Variants in SEC16A observed in about 807,000 individuals in gnomAD.
SEC16A encodes the protein protein transport protein Sec16A.
A neutral mutation model predicts 221.9 loss-of-function variants in SEC16A; 110 were observed. The ratio of observed to expected loss-of-function variants is 0.50; its 90% CI spans 0.42 to 0.58. The LOEUF (loss-of-function observed/expected upper bound fraction) is 0.58, where lower values mean the gene tolerates loss of function less well. Ranked by LOEUF, SEC16A falls within the 20% of genes least tolerant of loss-of-function variation. SEC16A has a pLI of 0.00. For synonymous variants in SEC16A, 1,393 were observed against 1,257.7 expected (o/e 1.11, Z -2.28); for missense variants, 3,165 against 3,097.8 (o/e 1.02, Z -0.52).
Position 136,445,053 on chromosome 9 carries a change from T to C in SEC16A, c.6926A>G (p.Gln2309Arg). Residue 2309 changes from glutamine (Q) to arginine (R), a missense_variant and splice_region_variant, in exon 30 of 32, where the codon CAG becomes CGG. This residue lies in a region of SEC16A where 1,088 missense variants were observed against 1,089.6 expected (regional missense o/e 1.00). Coordinates refer to ENST00000684901, the MANE Select transcript of SEC16A (RefSeq NM_014866.2). ...GTGAGGACCACCAGCCGCAGGTACC[T>C]GATTAAAATGCTGGCTCACTTCACG... ...LSREVSQHFN[Q>R]APGDLPAAGG... 6.2e-7 allele frequency: 1 copy of C among 1,605,306 alleles called. No individual in the cohort carries two copies. The highest frequency in any genetic ancestry group is 8.5e-7 in the Non-Finnish European group (1 of 1,176,204).
At chr9:136,468,022 T>C (rs1588970928) in intron 5 of SEC16A, among the ~76,000 whole-genome samples, 2 of 152,182 alleles carry the variant, frequency 1.3e-5, no homozygotes, top group Admixed American at 6.5e-5. Context: ...TGGTCAGGAG[T>C]GCGGGAAACA....
chr9:136,482,373 C>G (rs906701241), intron 1 of SEC16A, among the ~76,000 whole-genome samples: 5 of 152,164 alleles, frequency 3.3e-5, no homozygotes, highest in Non-Finnish European at 7.4e-5. Context: ...TCTTAAGCGG[C>G]AAAAACTGAC....
chr9:136,467,560 TTAC>T (rs1840313301), intron 5 of SEC16A, among the ~76,000 whole-genome samples: 3 of 152,102 alleles, frequency 2.0e-5, no homozygotes, highest in Non-Finnish European at 2.9e-5. Flanking sequence ...ACTGTAAATT[TTAC>T]TACTATTTCT....
In SEC16A at chr9:136,475,567, C is replaced by G. The variant is rs764881602; in HGVS notation, c.2049G>C (p.Thr683=). The change falls in exon 3 of 32, where the codon ACG becomes ACC. Residue 683 remains threonine, a synonymous_variant. Transcript: ENST00000684901. This position sits in a 1 kb window ranked among gnomAD's most constrained non-coding sequence, Gnocchi z 5.0. ...QVCPLPLNST[T]EAVHMLPHAG... ...CGTGCGGAAGCATGTGCACAGCTTC[C>G]GTGGTGGAGTTAAGAGGCAGGGGAC... 2.5e-5 allele frequency: 41 copies of G among 1,613,222 alleles called. No individual in the cohort carries two copies. The highest frequency in any genetic ancestry group is 2.4e-5 in the Non-Finnish European group (28 of 1,179,730).
chr9:136,475,412 C>G lies in SEC16A; in HGVS notation c.2204G>C (p.Gly735Ala). The change falls in exon 3 of 32, where the codon GGA (glycine) becomes GCA (alanine). Residue 735 changes from glycine (G) to alanine (A), a missense_variant. Gly to Ala is a moderately conservative substitution (Grantham distance 60). This residue lies in a region of SEC16A where 2,030 missense variants were observed against 1,923.1 expected (regional missense o/e 1.06). Transcript: ENST00000684901. This position sits in a 1 kb window ranked among gnomAD's most constrained non-coding sequence, Gnocchi z 5.0. ...TGCAGGGGCCAGAAGGACGTTGCCTCCAAAATCTGGCAGCTCACTTTGCGC... is the reference window on the plus strand; with the variant it reads ...TGCAGGGGCCAGAAGGACGTTGCCTGCAAAATCTGGCAGCTCACTTTGCGC... ...LWAQSELPDF[G>A]GNVLLAPAAP... The G allele has an allele frequency of 6.2e-7, 1 of 1,610,562 alleles. No individual in the cohort carries two copies. The highest frequency in any genetic ancestry group is 1.7e-4 in the Middle Eastern group (1 of 6,050).
chr9:136,459,102 A>G lies in SEC16A; in HGVS notation c.5409+32T>C, dbSNP rs745605983. ...GTTAGCACTGAGTGCCTGCCCAGCCATGACAGCTGCAGGCTGGCAGCACCT... is the reference window on the plus strand; with the variant it reads ...GTTAGCACTGAGTGCCTGCCCAGCCGTGACAGCTGCAGGCTGGCAGCACCT... On this transcript the variant is annotated intron_variant, in intron 17 of 31. Transcript: ENST00000684901. This position sits in a 1 kb window ranked among gnomAD's most constrained non-coding sequence, Gnocchi z 6.1. 2 of 1,514,754 alleles carry G rather than the reference A, an allele frequency of 1.3e-6. No individual in the cohort carries two copies. Among genetic ancestry groups the G allele is most frequent in the Non-Finnish European group, 9.1e-7 (1 of 1,100,320 alleles). 93.8% of individuals were successfully genotyped at this position (1,514,754 alleles called of 1,614,324 possible). A position where few individuals can be genotyped will look rare whatever the true frequency, so the allele number is the denominator to read the frequency against.
chr9:136,476,641 A>T lies in SEC16A; in HGVS notation c.975T>A (p.Asn325Lys). The stretch of plus-strand genomic sequence containing the variant: ...CAAGAGCAGAGGCGGGCCGGTGCTC[A>T]TTCTTCACTCCTGGATTCTGCCTGA... ...PELRQNPGVK[N>K]EHRPASALVN... is the part of the protein sequence containing the mutation. Residue 325 changes from asparagine to lysine, a missense_variant, in exon 3 of 32, where the codon AAT becomes AAA. Transcript: ENST00000684901. The T allele has an allele frequency of 6.3e-7, 1 of 1,576,492 alleles. No individual in the cohort carries two copies. The highest frequency in any genetic ancestry group is 8.6e-7 in the Non-Finnish European group (1 of 1,159,286).
rs1836050403 is a variant in SEC16A at position 136,440,288 on chromosome 9, G to A, written c.*1467C>T. The A allele has an allele frequency of 6.6e-6, 1 of 152,502 alleles. No individual in the cohort carries two copies. Among genetic ancestry groups the A allele is most frequent in the East Asian group, 1.9e-4 (1 of 5,304 alleles). 9.4% of individuals were successfully genotyped at this position (152,502 alleles called of 1,614,324 possible). A position where few individuals can be genotyped will look rare whatever the true frequency, so the allele number is the denominator to read the frequency against. ...TCACACGAGCTGACCGAGGGACAGA[G>A]AGGGCTGCCCCGTCACAGGGACTGG... On this transcript the variant is annotated 3_prime_UTR_variant, in exon 32 of 32. Coordinates refer to ENST00000684901, the MANE Select transcript of SEC16A (RefSeq NM_014866.2).
chr9:136,456,585 G>A (rs1370369351), intron 18 of SEC16A, among the ~76,000 whole-genome samples: 1 of 152,244 alleles, frequency 6.6e-6, no homozygotes, highest in African/African-American at 2.4e-5. Flanking sequence ...TGGGGGATGA[G>A]CACCTAAGGA....
rs1836847537 is a variant in SEC16A, at chr9:136,445,510, C to T, written c.6867+135G>A. The T allele has an allele frequency of 8.6e-6, 6 of 697,876 alleles. No individual in the cohort carries two copies. In the East Asian group the frequency reaches 1.7e-4, roughly 19 times the overall value. The allele number at this position is 697,876 out of a possible 1,614,324, so 43.2% of individuals were successfully genotyped here. On this transcript the variant is annotated intron_variant, in intron 29 of 31. Coordinates refer to ENST00000684901, the MANE Select transcript of SEC16A (RefSeq NM_014866.2). ...GCAATTTTTTTTCCCCCAGGAACAC[C>T]ACCTTCGAGGTGCTCTTGTTTCTAA...
Position 136,454,192 on chromosome 9 carries a change from G to C in SEC16A, c.5993C>G (p.Pro1998Arg). ...TPGPALGFLE[P>R]SGPGLPPGVP... ...ACCAGGTGGGAGGCCAGGCCCGGAG[G>C]GCTCCAGGAAGCCAAGTGCAGGCCC... Residue 1998 changes from proline to arginine, a missense_variant, in exon 21 of 32, where the codon CCC (proline) becomes CGC (arginine). Around this residue, in one of 3 missense-constraint regions of SEC16A, gnomAD observed 1,088 missense variants for 1,089.6 expected, o/e 1.00. Coordinates refer to ENST00000684901, the MANE Select transcript of SEC16A (RefSeq NM_014866.2). The C allele has an allele frequency of 3.2e-6, 5 of 1,561,744 alleles. No individual in the cohort carries two copies. Among genetic ancestry groups the C allele is most frequent in the Non-Finnish European group, 3.5e-6 (4 of 1,152,820 alleles).
In SEC16A at chr9:136,474,861, T is replaced by C. The variant is rs1564529052; in HGVS notation, c.2755A>G (p.Asn919Asp). The C allele has an allele frequency of 1.2e-6, 2 of 1,613,884 alleles. No homozygotes were observed. The highest frequency in any genetic ancestry group is 1.1e-5 in the South Asian group (1 of 91,074). Residue 919 changes from asparagine to aspartate, a missense_variant, in exon 3 of 32, where the codon AAT (asparagine) becomes GAT (aspartate). Asn to Asp is a conservative substitution (Grantham distance 23). This residue lies in a region of SEC16A where 2,030 missense variants were observed against 1,923.1 expected (regional missense o/e 1.06). Coordinates refer to ENST00000684901, the MANE Select transcript of SEC16A (RefSeq NM_014866.2). Reference protein sequence around the residue: ...QGSGASEMVSNQPANLLVQPP... With the variant: ...QGSGASEMVSDQPANLLVQPP... ...TGAACCAGCAAATTAGCAGGCTGAT[T>C]AGAAACCATTTCGGAAGCACCAGAA...
chr9:136,466,400 T>A lies in SEC16A; in HGVS notation c.3992A>T (p.Asp1331Val). ...DPRFTGSFDD[D>V]PDPHRDPYGE... ...ATAAGGGTCTCTGTGCGGATCGGGGTCATCGTCAAAACTCCCCGTGAAGCG... is the reference window on the plus strand; with the variant it reads ...ATAAGGGTCTCTGTGCGGATCGGGGACATCGTCAAAACTCCCCGTGAAGCG... The change falls in exon 7 of 32, where the codon GAC (aspartate) becomes GTC (valine). Residue 1331 changes from aspartate to valine, a missense_variant. This residue lies in a region of SEC16A where 2,030 missense variants were observed against 1,923.1 expected (regional missense o/e 1.06). Transcript: ENST00000684901. This position sits in a 1 kb window ranked among gnomAD's most constrained non-coding sequence, Gnocchi z 5.5. 2 of 1,605,164 alleles carry A rather than the reference T, an allele frequency of 1.2e-6. No homozygotes were observed. Among genetic ancestry groups the A allele is most frequent in the Non-Finnish European group, 1.7e-6 (2 of 1,176,200 alleles).
rs1588865255 is a variant in SEC16A, at chr9:136,445,211, G to A, written c.6868-100C>T. On this transcript the variant is annotated intron_variant, in intron 29 of 31. Coordinates refer to ENST00000684901, the MANE Select transcript of SEC16A (RefSeq NM_014866.2). ...AGTTCCATTTCAAAAGCTTTGTGAT[G>A]CCATTAGAATCAACATAACTCAAAA... The A allele has an allele frequency of 9.0e-6, 9 of 1,004,202 alleles. No homozygotes were observed. The East Asian group carries it at 2.3e-4, about 26-fold the overall frequency. 62.2% of individuals were successfully genotyped at this position (1,004,202 alleles called of 1,614,324 possible).
chr9:136,453,403 A>G, intron 22 of SEC16A, 25 bp downstream of exon 22: 1 of 1,578,356 alleles, frequency 6.3e-7, no homozygotes, highest in African/African-American at 1.3e-5. Context: ...GAAAACAAAC[A>G]GTTTAAGAAA....
chr9:136,470,786 A>C (rs1054833237), intron 4 of SEC16A, among the ~76,000 whole-genome samples: 2 of 152,226 alleles, frequency 1.3e-5, no homozygotes, highest in Non-Finnish European at 2.9e-5. Context: ...ACCTTTCAAA[A>C]ACAAGTGCAG....
Position 136,462,922 on chromosome 9 carries a change from T to C in SEC16A, c.4858A>G (p.Arg1620Gly). ...AASSLERETERFRELLLYGRK... is the reference protein window; with the variant it reads ...AASSLERETEGFRELLLYGRK... ...CCATACAGCAACAGCTCCCTGAACC[T>C]CTCGGTCTCTCTCTCGAGCGAGCTG... Residue 1620 changes from arginine (R) to glycine (G), a missense_variant, in exon 12 of 32, where the codon AGG becomes GGG. Transcript: ENST00000684901. The C allele has an allele frequency of 6.2e-7, 1 of 1,603,126 alleles. No individual in the cohort carries two copies.
intron 31 of SEC16A, among the ~76,000 whole-genome samples, chr9:136,442,981 A>G (rs1836410713): frequency 6.6e-6 from 1 of 152,254 alleles, no homozygotes; most frequent in African/African-American, 2.4e-5. Flanking sequence ...CAAACAGAGT[A>G]ACTAAGAAAG....
rs1164225817 is a variant in SEC16A, at chr9:136,440,629, AGAG to A, written c.*1123_*1125del. The stretch of plus-strand genomic sequence containing the variant: ...GAAGCCTTAAAGCTTTGCATCAGTG[AGAG>A]GAGGCCCGTCTCTGAGTTGAACAGG... On this transcript the variant is annotated 3_prime_UTR_variant, in exon 32 of 32. Coordinates refer to ENST00000684901, the MANE Select transcript of SEC16A (RefSeq NM_014866.2). 1.3e-5 allele frequency: 2 copies of A among 152,572 alleles called. No homozygotes were observed. The highest frequency in any genetic ancestry group is 4.8e-5 in the African/African-American group (2 of 41,446). The allele number at this position is 152,572 out of a possible 1,614,324, so 9.5% of individuals were successfully genotyped here.
Sources: gnomAD v4.1 joint callset for allele counts (sites outside exome capture counted in the v4.1 genomes callset) on GRCh38, gnomAD v4.1.1 for gene constraint, gnomAD v4.1.1 regional missense constraint, Gnocchi (gnomAD v3.1) non-coding constraint, MANE v1.5 for transcripts, NCBI Gene and HGNC (gene_info 2026-07-23, HGNC 2026-07-21) for gene names.